Variants in FIP1L1 observed in about 807,000 individuals in gnomAD.
FIP1L1 encodes the protein pre-mRNA 3'-end-processing factor FIP1.
A neutral mutation model predicts 84.6 loss-of-function variants in FIP1L1; 21 were observed. The observed-to-expected ratio is 0.25, with a 90% CI of 0.18 to 0.36. The LOEUF is 0.36. FIP1L1 is among the 10% of genes least tolerant of loss of function. The pLI, the probability that FIP1L1 is intolerant of heterozygous loss-of-function variation, is 1.00. For missense variants in FIP1L1, 526 were observed against 751.1 expected (o/e 0.70, Z 3.50); for synonymous variants, 263 against 242.3 (o/e 1.09, Z -0.80).
At chr4:53,414,437 C>T (rs1233520160) in intron 10 of FIP1L1, among the ~76,000 whole-genome samples, 178 bp from the exon 11 acceptor site, 2 of 150,978 alleles carry the variant, frequency 1.3e-5, no homozygotes, top group East Asian at 3.9e-4. Flanking sequence ...GTGTTGATAG[C>T]ACATCTATAT....
intron 10 of FIP1L1, among the ~76,000 whole-genome samples, chr4:53,407,672 G>C (rs1363989339): frequency 6.6e-6 from 1 of 152,112 alleles, no homozygotes; most frequent in Non-Finnish European, 1.5e-5. Context: ...CTCAGGACTT[G>C]CTTTATGATT....
chr4:53,411,851 A>T (rs1757372712), intron 10 of FIP1L1, among the ~76,000 whole-genome samples: 1 of 152,138 alleles, frequency 6.6e-6, no homozygotes. Context: ...TAATCTTTAA[A>T]CGTTAGCATC....
intron 15 of FIP1L1, among the ~76,000 whole-genome samples, chr4:53,451,983 A>G (rs1716319283): frequency 6.6e-6 from 1 of 151,050 alleles, no homozygotes; most frequent in South Asian, 2.1e-4. Flanking sequence ...TCCCAGGTTC[A>G]TGCCATTCTC....
intron 9 of FIP1L1, among the ~76,000 whole-genome samples, chr4:53,398,700 A>G (rs142303174): frequency 5.3e-5 from 8 of 152,318 alleles, no homozygotes; most frequent in African/African-American, 1.9e-4. Flanking sequence ...TTTAAGATAA[A>G]AAGGTGAGTA....
intron 13 of FIP1L1, among the ~76,000 whole-genome samples, chr4:53,432,994 T>G (rs1172991480): frequency 2.0e-5 from 3 of 152,156 alleles, no homozygotes; most frequent in Admixed American, 6.5e-5. Context: ...TGAATAAGGT[T>G]TTTACTGTTT....
At chr4:53,431,447 A>G (rs891760924) in intron 13 of FIP1L1, among the ~76,000 whole-genome samples, 1 of 152,240 alleles carries the variant, frequency 6.6e-6, no homozygotes, top group African/African-American at 2.4e-5. Context: ...AAAATAATCA[A>G]AAGAAAATGG....
chr4:53,427,545 C>G (rs1282494331), intron 12 of FIP1L1, among the ~76,000 whole-genome samples: 2 of 152,172 alleles, frequency 1.3e-5, no homozygotes, highest in South Asian at 2.1e-4. Flanking sequence ...ACATGCCTGA[C>G]AGTTTCTTAC....
At position 53,390,608 on chromosome 4, in the gene FIP1L1, A is replaced by G. The variant is rs771373532; in HGVS notation, c.485A>G (p.Asp162Gly). The G allele has an allele frequency of 6.2e-7, 1 of 1,609,088 alleles. No individual in the cohort carries two copies. The highest frequency in any genetic ancestry group is 8.5e-7 in the Non-Finnish European group (1 of 1,175,734). ...LLEVDLDSFE[D>G]KPWRKPGADL... The stretch of plus-strand genomic sequence containing the variant: ...GAGGTAGATTTGGATTCTTTTGAAG[A>G]TAAACCATGGCGTAAACCTGGTAAG... The change falls in exon 7 of 18, where the codon GAT (aspartate) becomes GGT (glycine). Residue 162 changes from aspartate (D) to glycine (G), a missense_variant. By Grantham distance (94) the Asp-to-Gly change is moderately conservative. Transcript: ENST00000337488.
chr4:53,421,745 T>C (rs1041673294), intron 11 of FIP1L1, among the ~76,000 whole-genome samples: 2 of 152,230 alleles, frequency 1.3e-5, no homozygotes, highest in African/African-American at 2.4e-5. Context: ...TTTTAGAATA[T>C]GGTTATAAAC....
Position 53,440,300 on chromosome 4 carries a change from T to A in FIP1L1, c.1175-2353T>A, listed in dbSNP as rs371203716. On this transcript the variant is annotated intron_variant, in intron 13 of 17. Transcript: ENST00000337488. ...GGATTAACTTCATGGCATTTGATAA[T>A]TGTGTGTGCATAAGTGTGCTTTTTA... Among the ~76,000 whole-genome samples the A allele has an allele frequency of 2.0e-5, 3 of 152,122 alleles. No homozygotes were observed. In the East Asian group the frequency reaches 5.8e-4, roughly 29 times the overall value.
At chr4:53,444,198 C>A in intron 15 of FIP1L1, 95 bp downstream of exon 15, 2 of 805,908 alleles carry the variant, frequency 2.5e-6, no homozygotes, top group Admixed American at 2.0e-5. Context: ...GGTTTAACAT[C>A]TTACAGAGCA....
intron 14 of FIP1L1, among the ~76,000 whole-genome samples, chr4:53,443,504 G>A (rs1250363737): frequency 6.6e-6 from 1 of 152,068 alleles, no homozygotes; most frequent in Non-Finnish European, 1.5e-5. Flanking sequence ...ATGTAAAAAG[G>A]CAAAATATGT....
intron 13 of FIP1L1, among the ~76,000 whole-genome samples, chr4:53,437,347 AAAAAAAG>A (rs1418729481): frequency 4.0e-5 from 6 of 150,606 alleles, no homozygotes; most frequent in Non-Finnish European, 7.4e-5. Flanking sequence ...AAAAAAAAAA[AAAAAAAG>A]AGAGAGAAAT....
chr4:53,420,215 A>AC (rs1560540786), intron 11 of FIP1L1, among the ~76,000 whole-genome samples: 1 of 147,550 alleles, frequency 6.8e-6, no homozygotes, highest in African/African-American at 2.5e-5. Flanking sequence ...AAAAAAAAAA[A>AC]AAAAAAAAAA....
At chr4:53,440,857 A>G in intron 13 of FIP1L1, 1 of 437,804 alleles carries the variant, frequency 2.3e-6, no homozygotes, top group Non-Finnish European at 4.1e-6. Flanking sequence ...CAATTTGTGA[A>G]GAAAACAGTA....
chr4:53,450,010 T>G (rs1322058705), intron 15 of FIP1L1, among the ~76,000 whole-genome samples: 2 of 152,176 alleles, frequency 1.3e-5, no homozygotes, highest in African/African-American at 2.4e-5. Flanking sequence ...GTGTTTTATT[T>G]GTTGTCTTCA....
chr4:53,377,759 C>CG lies in FIP1L1; in HGVS notation c.-79dup. On this transcript the variant is annotated 5_prime_UTR_variant, in exon 1 of 18. The change creates a premature stop within an existing upstream ORF in the 5' untranslated region. Transcript: ENST00000337488. ...TTCGTCGGCGGGTTCGCGCCCTTCT[C>CG]GCGCCTCGGGGCTGCGAGGCTGGGG... 7.5e-7 allele frequency: 1 copy of CG among 1,337,570 alleles called. No homozygotes were observed. The highest frequency in any genetic ancestry group is 1.5e-5 in the South Asian group (1 of 64,804). The allele number at this position is 1,337,570 out of a possible 1,614,324, so 82.9% of individuals were successfully genotyped here. A position where few individuals can be genotyped will look rare whatever the true frequency, so the allele number is the denominator to read the frequency against.
At chr4:53,448,850 G>C (rs1053880113) in intron 15 of FIP1L1, among the ~76,000 whole-genome samples, 6 of 152,078 alleles carry the variant, frequency 3.9e-5, no homozygotes, top group African/African-American at 1.4e-4. Context: ...TACACTTCTT[G>C]AATGTCTTTG....
chr4:53,377,847 C>A lies in FIP1L1; in HGVS notation c.9C>A (p.Ala3=), dbSNP rs763328622. MS[A]GEVERLVSEL... ...TTGCGCTCGGGGCGGCCATGTCGGC[C>A]GGCGAGGTCGAGCGCCTAGTGTCGG... Residue 3 remains alanine, a synonymous_variant, in exon 1 of 18, where the codon GCC becomes GCA. Transcript: ENST00000337488. 5.2e-5 allele frequency: 83 copies of A among 1,583,838 alleles called. No homozygotes were observed. The Admixed American group carries it at 1.5e-3, about 28-fold the overall frequency.
Sources: allele counts gnomAD v4.1 joint callset (sites outside exome capture counted in the v4.1 genomes callset), GRCh38; gene constraint gnomAD v4.1.1; transcripts MANE v1.5; gene names NCBI Gene and HGNC (gene_info 2026-07-23, HGNC 2026-07-21).